ZSWIM4: variants seen among roughly 807,000 people sequenced by gnomAD.
ZSWIM4 encodes zinc finger SWIM-type containing 4.
In ZSWIM4, 62 loss-of-function variants were observed where a neutral mutation model predicts 102.5. The ratio of observed to expected loss-of-function variants is 0.60; its 90% CI spans 0.49 to 0.75. The LOEUF is 0.75. ZSWIM4 is among the 30% of genes least tolerant of loss of function. The probability of loss-of-function intolerance (pLI) is 0.00; values close to 1 mark genes in which losing one functional copy is unlikely to be tolerated. For synonymous variants in ZSWIM4, 652 were observed against 674.5 expected (o/e 0.97, Z 0.52); for missense variants, 1,280 against 1,529.6 (o/e 0.84, Z 2.72).
At chr19:13,816,914 G>A (rs1274401017) in intron 7 of ZSWIM4, among the ~76,000 whole-genome samples, 1 of 152,180 alleles carries the variant, frequency 6.6e-6, no homozygotes, top group Non-Finnish European at 1.5e-5. Flanking sequence ...CACTTCGGGT[G>A]TTTTAGAAAG....
At chr19:13,811,694 T>C (rs114786852) in intron 5 of ZSWIM4, among the ~76,000 whole-genome samples, 2,795 of 152,208 alleles carry the variant, frequency 0.018, 86 homozygotes, top group African/African-American at 0.064. Flanking sequence ...CGGCTTTATT[T>C]ATAGATACTT....
At chr19:13,813,380 G>A (rs1975163525) in intron 6 of ZSWIM4, among the ~76,000 whole-genome samples, 1 of 152,202 alleles carries the variant, frequency 6.6e-6, no homozygotes, top group Non-Finnish European at 1.5e-5. Flanking sequence ...AAGTGGGCAA[G>A]TGAAGTAAAA....
Position 13,817,768 on chromosome 19 carries a change from G to T in ZSWIM4, c.1716G>T (p.Val572=). ...AGGTGGCCTACCAGCACGTGCCTGTGCCCGGGAGCCCTGGGGAGTCCTACT... is the reference window on the plus strand; with the variant it reads ...AGGTGGCCTACCAGCACGTGCCTGTTCCCGGGAGCCCTGGGGAGTCCTACT... ...KRKVAYQHVP[V]PGSPGESYLV... Residue 572 remains valine (V), a synonymous_variant, in exon 9 of 14, where the codon GTG becomes GTT. Transcript: ENST00000590508. 1.2e-6 allele frequency: 2 copies of T among 1,603,440 alleles called. No individual in the cohort carries two copies. The highest frequency in any genetic ancestry group is 2.7e-5 in the African/African-American group (2 of 75,034).
Position 13,814,773 on chromosome 19 carries a change from C to A in ZSWIM4, c.1439C>A (p.Pro480His), listed in dbSNP as rs1373407860. 2.3e-6 allele frequency: 3 copies of A among 1,286,266 alleles called. No individual in the cohort carries two copies. Among genetic ancestry groups the A allele is most frequent in the Non-Finnish European group, 3.0e-6 (3 of 986,270 alleles). 79.7% of individuals were successfully genotyped at this position (1,286,266 alleles called of 1,614,324 possible). ...GACACCCTGCGTGCCCACGGATACC[C>A]CCGCCAGGCCCTGCGGCTGGCAAGT... is the stretch of plus-strand genomic sequence containing the variant. ...RVDTLRAHGY[P>H]RQALRLASAI... The change falls in exon 7 of 14, where the codon CCC becomes CAC. Residue 480 changes from proline (P) to histidine (H), a missense_variant. Transcript: ENST00000590508.
chr19:13,823,535 C>T lies in ZSWIM4; in HGVS notation c.2215+35C>T, dbSNP rs1349544613. The T allele has an allele frequency of 3.9e-6, 6 of 1,547,470 alleles. No homozygotes were observed. The East Asian group carries it at 1.2e-4, about 31-fold the overall frequency. On this transcript the variant is annotated intron_variant, in intron 11 of 13. Transcript: ENST00000590508. ...GCAGCTGTCCCGATTCCTTTGTCTT[C>T]CTCCTCTGTCATCTCCTTCTTCCTT...
intron 5 of ZSWIM4, among the ~76,000 whole-genome samples, chr19:13,812,124 C>G (rs997903271): frequency 4.6e-5 from 7 of 152,108 alleles, no homozygotes; most frequent in Non-Finnish European, 1.0e-4. Flanking sequence ...AAAAATAAAT[C>G]TTAGCGTGCA....
intron 3 of ZSWIM4, 114 bp downstream of exon 3, chr19:13,805,262 C>T (rs1281229423): frequency 8.6e-6 from 8 of 926,528 alleles, no homozygotes; most frequent in South Asian, 3.1e-5. Context: ...GGGCGGGGGG[C>T]GGAAAACGCG....
chr19:13,820,510 A>G (rs1022375491), intron 10 of ZSWIM4, among the ~76,000 whole-genome samples: 1 of 152,248 alleles, frequency 6.6e-6, no homozygotes, highest in African/African-American at 2.4e-5. Flanking sequence ...CTCTGGGATT[A>G]CAGGCGTGAG....
At chr19:13,810,608 T>C (rs1366936773) in intron 5 of ZSWIM4, among the ~76,000 whole-genome samples, 1 of 149,734 alleles carries the variant, frequency 6.7e-6, no homozygotes, top group African/African-American at 2.5e-5. Flanking sequence ...GTTTTCTTTT[T>C]TCTTTTTTCT....
intron 2 of ZSWIM4, among the ~76,000 whole-genome samples, chr19:13,803,413 C>T (rs1450577193): frequency 6.6e-6 from 1 of 152,112 alleles, no homozygotes; most frequent in African/African-American, 2.4e-5. Context: ...AAGCCCTGGC[C>T]ATATTCATTG....
chr19:13,799,935 C>A lies in ZSWIM4; in HGVS notation c.355+14C>A. 1.2e-6 allele frequency: 2 copies of A among 1,604,532 alleles called. No individual in the cohort carries two copies. The highest frequency in any genetic ancestry group is 8.5e-7 in the Non-Finnish European group (1 of 1,177,976). ...TGTTGCAAGTGGGTGAGTCTTTGTC[C>A]CCCACTCCTGCTGGGGAGGCCAGGA... On this transcript the variant is annotated intron_variant, in intron 2 of 13. Transcript: ENST00000590508.
intron 3 of ZSWIM4, among the ~76,000 whole-genome samples, chr19:13,807,883 T>C (rs943192034): frequency 3.3e-5 from 5 of 152,108 alleles, no homozygotes; most frequent in Admixed American, 3.3e-4. Context: ...CACACTGCTA[T>C]AAAGACATAC....
At chr19:13,829,506 G>A (rs1366369787) in intron 13 of ZSWIM4, among the ~76,000 whole-genome samples, 12 of 151,984 alleles carry the variant, frequency 7.9e-5, no homozygotes, top group Admixed American at 7.9e-4. Flanking sequence ...CAGGAGAATT[G>A]CTGGAACCTG....
chr19:13,821,027 T>C (rs1975448236), intron 10 of ZSWIM4, among the ~76,000 whole-genome samples: 1 of 152,212 alleles, frequency 6.6e-6, no homozygotes, highest in South Asian at 2.1e-4. Flanking sequence ...CTCATGCCTG[T>C]AATCCCAGCA....
In ZSWIM4 at chr19:13,823,217, C is replaced by A. The variant is rs796141221; in HGVS notation, c.2061-129C>A. The A allele has an allele frequency of 9.3e-6, 8 of 856,700 alleles. 1 individual carries two copies. In the African/African-American group the frequency reaches 1.4e-4, roughly 15 times the overall value. 53.1% of individuals were successfully genotyped at this position (856,700 alleles called of 1,614,324 possible). A position where few individuals can be genotyped will look rare whatever the true frequency, so the allele number is the denominator to read the frequency against. On this transcript the variant is annotated intron_variant, in intron 10 of 13. Coordinates refer to ENST00000590508, the MANE Select transcript of ZSWIM4 (RefSeq NM_001367834.3). ...AGTGAACATCTTGCACACACATCTT[C>A]CATCATCTTGGGCTCTCAGGGCTCT...
rs1376829891 is a variant in ZSWIM4 at position 13,830,366 on chromosome 19, C to T, written c.2637C>T (p.Cys879=). 1 of 1,613,072 alleles carries T rather than the reference C, an allele frequency of 6.2e-7. No homozygotes were observed. Among genetic ancestry groups the T allele is most frequent in the East Asian group, 2.2e-5 (1 of 44,874 alleles). Residue 879 remains cysteine (C), a synonymous_variant, in exon 14 of 14, where the codon TGC becomes TGT. Coordinates refer to ENST00000590508, the MANE Select transcript of ZSWIM4 (RefSeq NM_001367834.3). ...GCGCCCGCACCCTGGCCTTGCAGTG[C>T]GCGATGAAGGACCCTCAGAACTGCG... The part of the protein sequence containing the change: ...WACARTLALQ[C]AMKDPQNCAL...
chr19:13,823,238 G>T lies in ZSWIM4; in HGVS notation c.2061-108G>T, dbSNP rs1454875650. ...TCTTCCATCATCTTGGGCTCTCAGGGCTCTGCTGGCTGAAGTGGGGAGGCT... is the reference window on the plus strand; with the variant it reads ...TCTTCCATCATCTTGGGCTCTCAGGTCTCTGCTGGCTGAAGTGGGGAGGCT... On this transcript the variant is annotated intron_variant, in intron 10 of 13. Coordinates refer to ENST00000590508, the MANE Select transcript of ZSWIM4 (RefSeq NM_001367834.3). 1.6e-5 allele frequency: 19 copies of T among 1,178,728 alleles called. 1 individual carries two copies. Among genetic ancestry groups the T allele is most frequent in the Non-Finnish European group, 2.3e-5 (19 of 834,512 alleles). The allele number at this position is 1,178,728 out of a possible 1,614,324, so 73.0% of individuals were successfully genotyped here.
At position 13,823,428 on chromosome 19, in the gene ZSWIM4, C is replaced by T. The variant is rs767121708; in HGVS notation, c.2143C>T (p.Arg715Cys). Residue 715 changes from arginine (R) to cysteine (C), a missense_variant, in exon 11 of 14, where the codon CGC (arginine) becomes TGC (cysteine). Coordinates refer to ENST00000590508, the MANE Select transcript of ZSWIM4 (RefSeq NM_001367834.3). ...CTCCATCATGAGCAACCGCTTCCCC[C>T]GCTGGTTCATCCTTGGCCACCTGGA... is the stretch of plus-strand genomic sequence containing the variant. ...LDSIMSNRFPRWFILGHLETR... is the reference protein window; with the variant it reads ...LDSIMSNRFPCWFILGHLETR... 4.7e-5 allele frequency: 76 copies of T among 1,605,474 alleles called. No homozygotes were observed. In the South Asian group the frequency reaches 5.6e-4, roughly 12 times the overall value.
At chr19:13,815,964 G>A (rs1599602582) in intron 7 of ZSWIM4, among the ~76,000 whole-genome samples, 1 of 146,294 alleles carries the variant, frequency 6.8e-6, no homozygotes, top group Non-Finnish European at 1.5e-5. Context: ...AAAAAAAAAA[G>A]AGAGAGAGAG....
Sources: allele counts gnomAD v4.1 joint callset (sites outside exome capture counted in the v4.1 genomes callset), GRCh38; gene constraint gnomAD v4.1.1; transcripts MANE v1.5; gene names NCBI Gene and HGNC (gene_info 2026-07-23, HGNC 2026-07-21).